PTPRT: variants seen among roughly 807,000 people sequenced by gnomAD.
The protein encoded by PTPRT is receptor-type tyrosine-protein phosphatase T.
Under a neutral mutation model 176.8 loss-of-function variants are expected in PTPRT, and 56 were observed. The observed-to-expected ratio is 0.32, with a 90% CI of 0.26 to 0.40. The LOEUF (loss-of-function observed/expected upper bound fraction) is 0.40, where lower values mean the gene tolerates loss of function less well. Among genes scored for constraint, PTPRT ranks in the 10% least tolerant of loss-of-function variants. The probability of loss-of-function intolerance (pLI) is 1.00; values close to 1 mark genes in which losing one functional copy is unlikely to be tolerated. For missense variants in PTPRT, 1,540 were observed against 1,908.2 expected (o/e 0.81, Z 3.60); for synonymous variants, 783 against 739.0 (o/e 1.06, Z -0.96).
chr20:42,395,437 T>C (rs1364177651), intron 9 of PTPRT, among the ~76,000 whole-genome samples: 3 of 152,194 alleles, frequency 2.0e-5, no homozygotes, highest in African/African-American at 4.8e-5. Context: ...GCAGTGTCCA[T>C]CCTCTTTGGG....
At position 42,164,708 on chromosome 20, in the gene PTPRT, C is replaced by T. The variant is rs375676205; in HGVS notation, c.2492-3166G>A. Among the ~76,000 whole-genome samples the T allele has an allele frequency of 8.5e-5, 13 of 152,270 alleles. 1 individual carries two copies. In the East Asian group the frequency reaches 1.5e-3, roughly 18 times the overall value. ...TCTCAGGAACCTACAAGTAATGCTA[C>T]GTTTTTATCAGGCCCAATTAAAAGA... On this transcript the variant is annotated intron_variant, in intron 16 of 30. Transcript: ENST00000373187.
intron 9 of PTPRT, among the ~76,000 whole-genome samples, chr20:42,439,370 A>T (rs942566326): frequency 1.3e-5 from 2 of 152,262 alleles, no homozygotes; most frequent in Non-Finnish European, 2.9e-5. Context: ...CTCTGGCATC[A>T]GAGTTGCAAG....
intron 27 of PTPRT, among the ~76,000 whole-genome samples, chr20:42,090,619 G>A (rs1203455532): frequency 1.3e-5 from 2 of 152,172 alleles, no homozygotes; most frequent in Non-Finnish European, 2.9e-5. Flanking sequence ...GGCTCACATA[G>A]ACATGGAACA....
chr20:42,958,724 C>T (rs1366584789), intron 1 of PTPRT, among the ~76,000 whole-genome samples: 1 of 152,030 alleles, frequency 6.6e-6, no homozygotes, highest in Non-Finnish European at 1.5e-5. Flanking sequence ...AAAAGGACTG[C>T]TGTTAATAAT....
chr20:42,933,369 C>T (rs1164122376), intron 1 of PTPRT, among the ~76,000 whole-genome samples: 1 of 152,206 alleles, frequency 6.6e-6, no homozygotes, highest in Non-Finnish European at 1.5e-5. Flanking sequence ...CAAGCCTTCA[C>T]TTCACTGTAT....
At chr20:43,135,250 G>A (rs188796395) in intron 1 of PTPRT, among the ~76,000 whole-genome samples, 2 of 152,302 alleles carry the variant, frequency 1.3e-5, no homozygotes, top group Admixed American at 6.5e-5. Context: ...CCTGGGTGTC[G>A]TTAGTCTATT....
At chr20:42,902,955 C>A (rs1445046233) in intron 1 of PTPRT, among the ~76,000 whole-genome samples, 1 of 152,164 alleles carries the variant, frequency 6.6e-6, no homozygotes, top group Non-Finnish European at 1.5e-5. Flanking sequence ...AGGGATAAAG[C>A]AGTGATTGAA....
chr20:42,136,479 AGACAGCCC>A (rs1025525812), intron 18 of PTPRT, among the ~76,000 whole-genome samples: 1 of 152,126 alleles, frequency 6.6e-6, no homozygotes, highest in African/African-American at 2.4e-5. Flanking sequence ...CATGATGCAG[AGACAGCCC>A]GACATTCTGT....
chr20:42,183,970 G>A (rs1990625099), intron 16 of PTPRT, among the ~76,000 whole-genome samples: 1 of 152,176 alleles, frequency 6.6e-6, no homozygotes. Context: ...TAGGGAGAGA[G>A]TGATTCCAGC....
At chr20:42,894,055 A>G (rs1047622534) in intron 1 of PTPRT, among the ~76,000 whole-genome samples, 4 of 151,746 alleles carry the variant, frequency 2.6e-5, no homozygotes, top group Non-Finnish European at 5.9e-5. Context: ...AAAAAAGAAC[A>G]TTTGCTCTGA....
At chr20:42,751,764 GGGGCTCTCGGGCCTTT>G (rs2076773764) in intron 6 of PTPRT, among the ~76,000 whole-genome samples, 1 of 152,076 alleles carries the variant, frequency 6.6e-6, no homozygotes, top group Non-Finnish European at 1.5e-5. Context: ...TGGTTTCCCA[GGGGCTCTCGGGCCTTT>G]GGCCACAGAC....
intron 12 of PTPRT, among the ~76,000 whole-genome samples, chr20:42,294,130 C>T (rs1046000489): frequency 1.3e-5 from 2 of 152,056 alleles, no homozygotes; most frequent in African/African-American, 4.8e-5. Context: ...ATGTGGAGAA[C>T]AAGAGCTATG....
intron 9 of PTPRT, among the ~76,000 whole-genome samples, chr20:42,407,924 A>G (rs979575285): frequency 5.3e-5 from 8 of 152,150 alleles, no homozygotes; most frequent in African/African-American, 1.7e-4. Context: ...GAAAAAATAC[A>G]TTTGATGGGA....
intron 2 of PTPRT, among the ~76,000 whole-genome samples, chr20:42,864,782 C>A (rs2078717956): frequency 3.3e-5 from 5 of 152,154 alleles, no homozygotes; most frequent in Admixed American, 2.0e-4. Flanking sequence ...GGAAAGTAGT[C>A]TTTCAATTCA....
chr20:42,327,406 T>C (rs1211408139), intron 11 of PTPRT, among the ~76,000 whole-genome samples: 1 of 152,064 alleles, frequency 6.6e-6, no homozygotes, highest in East Asian at 1.9e-4. Flanking sequence ...ATTGGGAGAA[T>C]TGGGGAAATT....
At chr20:42,108,673 T>TGTCC (rs1164211194) in intron 23 of PTPRT, among the ~76,000 whole-genome samples, 20 of 152,160 alleles carry the variant, frequency 1.3e-4, no homozygotes, top group African/African-American at 4.8e-4. Flanking sequence ...ACATTGTTCC[T>TGTCC]GTCCTGAAGG....
chr20:42,530,470 G>A (rs2072362403), intron 7 of PTPRT, among the ~76,000 whole-genome samples: 2 of 152,224 alleles, frequency 1.3e-5, no homozygotes, highest in South Asian at 4.1e-4. Context: ...ACTGCTGCGT[G>A]AGCATTGAAT....
chr20:42,176,084 G>A (rs751747678), intron 16 of PTPRT, among the ~76,000 whole-genome samples: 10 of 151,968 alleles, frequency 6.6e-5, no homozygotes, highest in Non-Finnish European at 1.0e-4. Context: ...ATCCTTCACC[G>A]GACTGTAAGC....
chr20:42,993,580 A>ACATATATGTGTGTGTATAT (rs1568722811), intron 1 of PTPRT, among the ~76,000 whole-genome samples: 7 of 148,070 alleles, frequency 4.7e-5, no homozygotes, highest in East Asian at 2.0e-4. Context: ...ATATATATAC[A>ACATATATGTGTGTGTATAT]ATCTGCCATA....
Sources: gnomAD v4.1 joint callset for allele counts (sites outside exome capture counted in the v4.1 genomes callset) on GRCh38, gnomAD v4.1.1 for gene constraint, MANE v1.5 for transcripts, NCBI Gene and HGNC (gene_info 2026-07-23, HGNC 2026-07-21) for gene names.